The following FAM135A variants were observed in gnomAD, a reference collection of about 807,000 sequenced individuals.
The protein encoded by FAM135A is protein FAM135A.
In FAM135A, 79 loss-of-function variants were observed where a neutral mutation model predicts 146.8. That is an observed-to-expected ratio of 0.54 (90% CI 0.45 to 0.65). The LOEUF (loss-of-function observed/expected upper bound fraction) is 0.65, where lower values mean the gene tolerates loss of function less well. Ranked by LOEUF, FAM135A falls within the 30% of genes least tolerant of loss-of-function variation. The pLI is 0.00. For missense variants in FAM135A, 1,623 were observed against 1,758.2 expected (o/e 0.92, Z 1.38); for synonymous variants, 562 against 603.6 (o/e 0.93, Z 1.01).
In FAM135A at chr6:70,453,865, C is replaced by T. The variant is rs139438913; in HGVS notation, c.157+1294C>T. On this transcript the variant is annotated intron_variant, in intron 5 of 21. Transcript: ENST00000418814. The stretch of plus-strand genomic sequence containing the variant: ...GTCTTTGCTATTGTGAATAGTGCCG[C>T]AATAAACATACGTGTGCATGTGTCT... Among the ~76,000 whole-genome samples the T allele has an allele frequency of 3.2e-3, 492 of 152,232 alleles. 3 individuals carry two copies. Among genetic ancestry groups the T allele is most frequent in the African/African-American group, 0.011 (470 of 41,534 alleles).
rs1028470646 is a variant in FAM135A, at chr6:70,460,458, C to T, written c.157+7887C>T. Among the ~76,000 whole-genome samples the T allele has an allele frequency of 2.0e-5, 3 of 152,142 alleles. No individual in the cohort carries two copies. The South Asian group carries it at 6.2e-4, about 32-fold the overall frequency. ...CTGACATTCATATCCTGTTTTGTAA[C>T]TAGTTAAATCTTTTGTCCTTTGTCT... On this transcript the variant is annotated intron_variant, in intron 5 of 21. Coordinates refer to ENST00000418814, the MANE Select transcript of FAM135A (RefSeq NM_001162529.3).
intron 16 of FAM135A, among the ~76,000 whole-genome samples, chr6:70,528,702 A>AT (rs11398068): frequency 0.84 from 126,950 of 150,298 alleles, 54,208 homozygotes; most frequent in African/African-American, 0.94. Context: ...TTAATTTGGG[A>AT]TTTTTTTTTT....
At chr6:70,475,800 C>T (rs1057393098) in intron 7 of FAM135A, 67 bp downstream of exon 7, 22 of 1,240,902 alleles carry the variant, frequency 1.8e-5, no homozygotes, top group Non-Finnish European at 2.4e-5. Context: ...ATTAGATTGC[C>T]CATTTTCCTC....
At chr6:70,538,642 G>T (rs1002128232) in intron 20 of FAM135A, among the ~76,000 whole-genome samples, 3 of 151,634 alleles carry the variant, frequency 2.0e-5, no homozygotes, top group Non-Finnish European at 4.4e-5. Flanking sequence ...CTTTGAAATT[G>T]CCCTAAGAAT....
At chr6:70,519,019 G>A (rs899768453) in intron 12 of FAM135A, among the ~76,000 whole-genome samples, 2 of 152,188 alleles carry the variant, frequency 1.3e-5, no homozygotes, top group African/African-American at 4.8e-5. Context: ...GATTCCTCTG[G>A]TGGATCTGGG....
At chr6:70,469,230 A>G (rs142950548) in intron 5 of FAM135A, among the ~76,000 whole-genome samples, 3 of 152,322 alleles carry the variant, frequency 2.0e-5, no homozygotes, top group East Asian at 3.9e-4. Context: ...CTGATACATA[A>G]TAAGTATTCA....
intron 16 of FAM135A, among the ~76,000 whole-genome samples, chr6:70,532,030 C>T (rs974107127): frequency 1.3e-5 from 2 of 151,080 alleles, no homozygotes; most frequent in Admixed American, 6.6e-5. Context: ...TTACAGGCGT[C>T]TGCCACCACA....
In FAM135A at chr6:70,559,885, ATTCT is replaced by A; in HGVS notation, c.4517_4520del (p.Phe1506TrpfsTer35). 2 of 1,613,926 alleles carry A rather than the reference ATTCT, an allele frequency of 1.2e-6. No homozygotes were observed. The highest frequency in any genetic ancestry group is 1.7e-6 in the Non-Finnish European group (2 of 1,179,962). ...TTGATTCGGAAATATTTTTAGAGAA[ATTCT>A]TTCTGGTTGCTGCCCTCAAATATTT... is the stretch of plus-strand genomic sequence containing the variant. On this transcript the variant is annotated frameshift_variant, in exon 22 of 22. Transcript: ENST00000418814. LOFTEE classifies it high-confidence loss of function.
rs1286163526 is a variant in FAM135A, at chr6:70,556,778, A to C, written c.4257A>C (p.Leu1419=). Reference sequence around the variant, plus strand: ...TTCATTATTTCAAAAATGTTGTGCTAGTGGGATCCCTACAGGATCGCTATG... The same window carrying C: ...TTCATTATTTCAAAAATGTTGTGCTCGTGGGATCCCTACAGGATCGCTATG... ...AGLHYFKNVV[L]VGSLQDRYVP... is the part of the protein sequence containing the mutation. The change falls in exon 21 of 22, where the codon CTA becomes CTC. Residue 1419 remains leucine (L), a synonymous_variant. Coordinates refer to ENST00000418814, the MANE Select transcript of FAM135A (RefSeq NM_001162529.3). 5 of 1,612,644 alleles carry C rather than the reference A, an allele frequency of 3.1e-6. No individual in the cohort carries two copies. Among genetic ancestry groups the C allele is most frequent in the Non-Finnish European group, 4.2e-6 (5 of 1,179,544 alleles).
intron 12 of FAM135A, among the ~76,000 whole-genome samples, chr6:70,512,899 A>G (rs534773596): frequency 4.5e-4 from 68 of 151,918 alleles, no homozygotes; most frequent in Middle Eastern, 3.4e-3. Flanking sequence ...AGAGAGCATT[A>G]GAATTATAGA....
Position 70,445,856 on chromosome 6 carries a change from G to C in FAM135A, c.78-6636G>C, listed in dbSNP as rs113870111. 3.9e-3 allele frequency among the ~76,000 whole-genome samples: 597 copies of C among 152,130 alleles called. 7 individuals are homozygous for C. The highest frequency in any genetic ancestry group is 0.014 in the African/African-American group (576 of 41,502). ...TAATGGCCAGATTCGGGGCGGGGGG[G>C]GCTGTTCCCAACATATCCCCCTTAT... On this transcript the variant is annotated intron_variant, in intron 4 of 21. Transcript: ENST00000418814.
At chr6:70,538,977 A>G (rs972443622) in intron 20 of FAM135A, among the ~76,000 whole-genome samples, 1 of 150,124 alleles carries the variant, frequency 6.7e-6, no homozygotes, top group Non-Finnish European at 1.5e-5. Flanking sequence ...ATTATTAAAC[A>G]TATTCCCCAT....
intron 4 of FAM135A, among the ~76,000 whole-genome samples, chr6:70,437,803 A>T (rs935969670): frequency 2.6e-5 from 4 of 152,210 alleles, no homozygotes; most frequent in Admixed American, 6.5e-5. Flanking sequence ...ACAAAAGTAA[A>T]TGTTAGGCTC....
rs1183740582 is a variant in FAM135A, at chr6:70,536,997, G to A, written c.4117+586G>A. ...TGTCACCAGGCTGGAGTGCAGTGGCGCGATCTCGGCTCACTGCAACTTTTG... is the reference window on the plus strand; with the variant it reads ...TGTCACCAGGCTGGAGTGCAGTGGCACGATCTCGGCTCACTGCAACTTTTG... On this transcript the variant is annotated intron_variant, in intron 19 of 21. Transcript: ENST00000418814. 7.4e-5 allele frequency among the ~76,000 whole-genome samples: 11 copies of A among 149,234 alleles called. No individual in the cohort carries two copies. In the South Asian group the frequency reaches 1.5e-3, roughly 20 times the overall value.
intron 20 of FAM135A, among the ~76,000 whole-genome samples, chr6:70,553,700 A>AAAG (rs200835400): frequency 0.12 from 18,649 of 151,992 alleles, 1,391 homozygotes; most frequent in Middle Eastern, 0.18. Flanking sequence ...TTTTTTAAAA[A>AAAG]GAAGCAGATA....
chr6:70,534,857 A>G (rs910591057), intron 18 of FAM135A, among the ~76,000 whole-genome samples: 2 of 152,220 alleles, frequency 1.3e-5, no homozygotes, highest in African/African-American at 4.8e-5. Flanking sequence ...TATAGGGAAT[A>G]AGAAGAGAGA....
chr6:70,426,096 C>T (rs917198693), intron 2 of FAM135A, among the ~76,000 whole-genome samples: 4 of 145,886 alleles, frequency 2.7e-5, no homozygotes, highest in African/African-American at 5.2e-5. Context: ...GGCGACAGAG[C>T]GAGACTCCGT....
At position 70,486,260 on chromosome 6, in the gene FAM135A, G is replaced by A. The variant is rs377070236; in HGVS notation, c.823+4106G>A. On this transcript the variant is annotated intron_variant, in intron 10 of 21. Transcript: ENST00000418814. The stretch of plus-strand genomic sequence containing the variant: ...AACCATCTAGGTACGTTTACAAATA[G>A]CTTAAGTAAATGATCCCTTTTAATT... 9.9e-6 allele frequency: 16 copies of A among 1,608,534 alleles called. 1 individual carries two copies. The South Asian group carries it at 1.8e-4, about 18-fold the overall frequency.
intron 16 of FAM135A, among the ~76,000 whole-genome samples, chr6:70,530,604 T>C (rs1795614347): frequency 6.6e-6 from 1 of 152,060 alleles, no homozygotes; most frequent in Admixed American, 6.6e-5. Context: ...AAAAATAAAT[T>C]TGCCAGGCAT....
Sources: gnomAD v4.1 joint callset for allele counts (sites outside exome capture counted in the v4.1 genomes callset) on GRCh38, gnomAD v4.1.1 for gene constraint, MANE v1.5 for transcripts, NCBI Gene and HGNC (gene_info 2026-07-23, HGNC 2026-07-21) for gene names.